The following SETD3 variants were observed in gnomAD, a reference collection of about 807,000 sequenced individuals.
SETD3 encodes the protein actin-histidine N-methyltransferase.
In SETD3, 19 loss-of-function variants were observed where a neutral mutation model predicts 63.0. The observed-to-expected ratio is 0.30, with a 90% CI of 0.21 to 0.44. SETD3 has a LOEUF of 0.44. SETD3 is among the 20% of genes least tolerant of loss of function. The pLI is 1.00. For synonymous variants in SETD3, 286 were observed against 264.1 expected (o/e 1.08, Z -0.80); for missense variants, 587 against 728.5 (o/e 0.81, Z 2.24).
intron 8 of SETD3, among the ~76,000 whole-genome samples, chr14:99,409,582 T>C (rs1384565052): frequency 6.6e-6 from 1 of 152,110 alleles, no homozygotes; most frequent in Non-Finnish European, 1.5e-5. Context: ...CGTTTACATA[T>C]TAAAAGTAAC....
chr14:99,401,190 C>T (rs11624183), intron 11 of SETD3, among the ~76,000 whole-genome samples: 60,403 of 151,932 alleles, frequency 0.4, 12,867 homozygotes, highest in East Asian at 0.56. Flanking sequence ...CCATCTCTCT[C>T]ACTTGTCAGG....
At chr14:99,404,740 G>A (rs940885999) in intron 10 of SETD3, among the ~76,000 whole-genome samples, 1 of 152,090 alleles carries the variant, frequency 6.6e-6, no homozygotes, top group Non-Finnish European at 1.5e-5. Flanking sequence ...CTATTCCCTG[G>A]AGAACTAATG....
chr14:99,436,686 CAGGA>C (rs1340671700), intron 6 of SETD3, among the ~76,000 whole-genome samples: 1 of 152,190 alleles, frequency 6.6e-6, no homozygotes, highest in Admixed American at 6.5e-5. Flanking sequence ...GCAGCCTCTC[CAGGA>C]AGGAAGTACC....
In SETD3 at chr14:99,468,293, C is replaced by A. The variant is rs573058491; in HGVS notation, c.-8-2480G>T. 1.4e-4 allele frequency among the ~76,000 whole-genome samples: 21 copies of A among 152,230 alleles called. 1 individual carries two copies. The highest frequency in any genetic ancestry group is 4.8e-4 in the African/African-American group (20 of 41,518). On this transcript the variant is annotated intron_variant, in intron 1 of 12. Transcript: ENST00000331768. Reference sequence around the variant, plus strand: ...GCAGCTCCAGCCACTTCCTCCTGCACCTCCTGAACGAGTCCTCATGGTTAG... The same window carrying A: ...GCAGCTCCAGCCACTTCCTCCTGCAACTCCTGAACGAGTCCTCATGGTTAG...
intron 8 of SETD3, chr14:99,411,729 AAAC>A (rs1892004055): frequency 6.6e-6 from 1 of 152,242 alleles, no homozygotes; most frequent in African/African-American, 2.4e-5. Context: ...CTCTGAAGAA[AAAC>A]AAAACAAAAA....
chr14:99,458,905 C>A (rs1017883910), intron 5 of SETD3, among the ~76,000 whole-genome samples: 1 of 151,550 alleles, frequency 6.6e-6, no homozygotes. Flanking sequence ...GGTGACAAAG[C>A]GAGACCCTAT....
intron 6 of SETD3, among the ~76,000 whole-genome samples, chr14:99,422,103 G>C (rs942759939): frequency 1.3e-5 from 2 of 152,068 alleles, no homozygotes; most frequent in African/African-American, 2.4e-5. Context: ...TTAAGTCTTC[G>C]GTCATAAAAT....
rs2139616925 is a variant in SETD3, at chr14:99,404,275, G to C, written c.1127C>G (p.Pro376Arg). 9 of 1,614,096 alleles carry C rather than the reference G, an allele frequency of 5.6e-6. No individual in the cohort carries two copies. The highest frequency in any genetic ancestry group is 2.2e-5 in the East Asian group (1 of 44,884). Reference protein sequence around the residue: ...SVFALHFTEPPISAQLLAFLR... With the variant: ...SVFALHFTEPRISAQLLAFLR... The stretch of plus-strand genomic sequence containing the variant: ...AAAAGCCAAAAGCTGAGCAGAGATG[G>C]GCGGCTCGGTAAAATGCAATGCAAA... The change falls in exon 11 of 13, where the codon CCC becomes CGC. Residue 376 changes from proline to arginine, a missense_variant. Pro to Arg is a moderately radical substitution (Grantham distance 103, BLOSUM62 -2). Transcript: ENST00000331768.
chr14:99,476,969 C>T (rs766871453), intron 1 of SETD3, among the ~76,000 whole-genome samples: 1 of 152,108 alleles, frequency 6.6e-6, no homozygotes, highest in Non-Finnish European at 1.5e-5. Context: ...TTCTAAAAAA[C>T]AGTGGAAACA....
At chr14:99,471,568 G>C (rs912183153) in intron 1 of SETD3, among the ~76,000 whole-genome samples, 3 of 152,216 alleles carry the variant, frequency 2.0e-5, no homozygotes, top group Admixed American at 1.3e-4. Context: ...CCAGGAGTTC[G>C]AGGCTGCAGC....
At chr14:99,430,661 C>A (rs1358306289) in intron 6 of SETD3, among the ~76,000 whole-genome samples, 1 of 152,150 alleles carries the variant, frequency 6.6e-6, no homozygotes, top group East Asian at 1.9e-4. Context: ...CCTCTAGGGG[C>A]TCACGTGGCG....
At chr14:99,463,428 C>A (rs1490846781) in intron 3 of SETD3, 58 bp downstream of exon 3, 16 of 1,351,610 alleles carry the variant, frequency 1.2e-5, no homozygotes, top group Non-Finnish European at 1.6e-5. Flanking sequence ...AACCCTTTGA[C>A]CTAATCAAGT....
chr14:99,401,076 C>T (rs1891364025), intron 11 of SETD3, among the ~76,000 whole-genome samples: 1 of 151,190 alleles, frequency 6.6e-6, no homozygotes, highest in Non-Finnish European at 1.5e-5. Flanking sequence ...GAGGTGGAGA[C>T]TGCAGTGAGC....
intron 6 of SETD3, among the ~76,000 whole-genome samples, chr14:99,440,079 G>A (rs1385522497): frequency 6.6e-6 from 1 of 152,044 alleles, no homozygotes; most frequent in Non-Finnish European, 1.5e-5. Flanking sequence ...AAAGTGCTGG[G>A]ATTATAGGCA....
At chr14:99,419,410 G>C (rs1416648842) in intron 6 of SETD3, among the ~76,000 whole-genome samples, 1 of 152,168 alleles carries the variant, frequency 6.6e-6, no homozygotes, top group Non-Finnish European at 1.5e-5. Context: ...GGAAGACAAT[G>C]AATGTATAAT....
At chr14:99,443,553 C>T in intron 6 of SETD3, among the ~76,000 whole-genome samples, 1 of 152,094 alleles carries the variant, frequency 6.6e-6, no homozygotes, top group East Asian at 1.9e-4. Context: ...TGCCTGGTCC[C>T]ATGATTTTGT....
At chr14:99,467,083 T>C (rs865968573) in intron 1 of SETD3, among the ~76,000 whole-genome samples, 2 of 117,622 alleles carry the variant, frequency 1.7e-5, no homozygotes, top group Admixed American at 8.2e-5. Flanking sequence ...CATGCAAATA[T>C]GGCCATGTGC....
At chr14:99,458,627 A>C in intron 5 of SETD3, 92 bp from the exon 6 acceptor site, 2 of 1,451,820 alleles carry the variant, frequency 1.4e-6, no homozygotes, top group Non-Finnish European at 1.8e-6. Context: ...AAAAACTAAA[A>C]GGTCTTGTAA....
intron 6 of SETD3, among the ~76,000 whole-genome samples, chr14:99,437,165 C>T (rs929355473): frequency 1.3e-5 from 2 of 152,212 alleles, no homozygotes; most frequent in Non-Finnish European, 2.9e-5. Context: ...ACCTCGCAGG[C>T]ACGCGGAGGA....
Sources: gnomAD v4.1 joint callset for allele counts (sites outside exome capture counted in the v4.1 genomes callset) on GRCh38, gnomAD v4.1.1 for gene constraint, MANE v1.5 for transcripts, NCBI Gene and HGNC (gene_info 2026-07-23, HGNC 2026-07-21) for gene names.